Variants in DYNC2H1 observed in about 807,000 individuals in gnomAD.
The protein encoded by DYNC2H1 is dynein cytoplasmic 2 heavy chain 1, also known as cytoplasmic dynein 2 heavy chain 1.
A neutral mutation model predicts 570.0 loss-of-function variants in DYNC2H1; 410 were observed. That is an observed-to-expected ratio of 0.72 (90% confidence interval 0.66 to 0.78). The LOEUF is 0.78. Ranked by LOEUF, DYNC2H1 falls within the 30% of genes least tolerant of loss-of-function variation. The pLI, the probability that DYNC2H1 is intolerant of heterozygous loss-of-function variation, is 0.00. For synonymous variants in DYNC2H1, 1,688 were observed against 1,677.6 expected, an observed-to-expected ratio of 1.01 and a Z score of -0.15; for missense variants, 4,865 against 5,046.4, an observed-to-expected ratio of 0.96 and a Z score of 1.09.
chr11:103,301,553 A>G (rs534440375), intron 75 of DYNC2H1, among the ~76,000 whole-genome samples: 3 of 152,106 alleles, frequency 2.0e-5, no homozygotes, highest in South Asian at 2.1e-4. Flanking sequence ...GTTGTTAGCA[A>G]TTTAAACTTA....
rs1864916526 is a variant in DYNC2H1, at chr11:103,253,383, C to T, written c.10141C>T (p.Pro3381Ser). The T allele has an allele frequency of 1.2e-6, 2 of 1,613,160 alleles. No individual in the cohort carries two copies. Among genetic ancestry groups the T allele is most frequent in the Non-Finnish European group, 1.7e-6 (2 of 1,179,494 alleles). The change falls in exon 66 of 89, where the codon CCG (proline) becomes TCG (serine). Residue 3381 changes from proline (P) to serine (S), a missense_variant. Pro to Ser is a moderately conservative substitution (Grantham distance 74). Around this residue, in one of 5 missense-constraint regions of DYNC2H1, gnomAD observed 2,401 missense variants for 2,454.6 expected, o/e 0.98. Coordinates refer to ENST00000375735, the MANE Select transcript of DYNC2H1 (RefSeq NM_001377.3). Reference protein sequence around the residue: ...STRNPNPFIPPDAASIVTEVN... With the variant: ...STRNPNPFIPSDAASIVTEVN... ...AAGAAACCCAAATCCTTTTATTCCACCGGATGCAGCTTCCATTGTTACTGA... is the reference window on the plus strand; with the variant it reads ...AAGAAACCCAAATCCTTTTATTCCATCGGATGCAGCTTCCATTGTTACTGA...
chr11:103,148,063 A>G lies in DYNC2H1; in HGVS notation c.2818+176A>G, dbSNP rs79934681. 0.026 allele frequency among the ~76,000 whole-genome samples: 4,009 copies of G among 152,248 alleles called. 209 individuals are homozygous for G. The highest frequency in any genetic ancestry group is 0.091 in the African/African-American group (3,797 of 41,538). On this transcript the variant is annotated intron_variant, in intron 19 of 88. Coordinates refer to ENST00000375735, the MANE Select transcript of DYNC2H1 (RefSeq NM_001377.3). ...GAGGTCTAATGAAGACATCTTTATTATTTGCAGTCTGAGCTAGTATTAGAT... is the reference window on the plus strand; with the variant it reads ...GAGGTCTAATGAAGACATCTTTATTGTTTGCAGTCTGAGCTAGTATTAGAT...
At chr11:103,471,100 T>C (rs1051565176) in intron 88 of DYNC2H1, among the ~76,000 whole-genome samples, 4 of 152,210 alleles carry the variant, frequency 2.6e-5, no homozygotes, top group African/African-American at 4.8e-5. Flanking sequence ...TTTTTAATGA[T>C]CGCCATTCTA....
intron 15 of DYNC2H1, 61 bp downstream of exon 15, chr11:103,134,480 C>G (rs527452167): frequency 8.2e-6 from 11 of 1,337,044 alleles, no homozygotes; most frequent in Non-Finnish European, 1.1e-5. Flanking sequence ...AATGTAAGTA[C>G]AATATATGAA....
At chr11:103,331,376 A>G (rs1242914786) in intron 82 of DYNC2H1, among the ~76,000 whole-genome samples, 1 of 152,062 alleles carries the variant, frequency 6.6e-6, no homozygotes, top group Admixed American at 6.5e-5. Context: ...AAACACAGCT[A>G]TTTTGTGGGG....
rs1040631746 is a variant in DYNC2H1, at chr11:103,132,840, T to A, written c.1954-715T>A. 2.1e-4 allele frequency among the ~76,000 whole-genome samples: 32 copies of A among 151,972 alleles called. No individual in the cohort carries two copies. In the East Asian group the frequency reaches 5.5e-3, roughly 26 times the overall value. ...GCACCTTGTTGCCTCCAAGCTGGGG[T>A]GTAAGCTCAGCTTCCTACTGGGCCC... On this transcript the variant is annotated intron_variant, in intron 13 of 88. Coordinates refer to ENST00000375735, the MANE Select transcript of DYNC2H1 (RefSeq NM_001377.3).
intron 87 of DYNC2H1, among the ~76,000 whole-genome samples, chr11:103,459,074 C>G (rs1944900616): frequency 6.6e-6 from 1 of 151,486 alleles, no homozygotes; most frequent in Non-Finnish European, 1.5e-5. Flanking sequence ...CTTTGGGAGG[C>G]CGAGGCGGGC....
Position 103,395,010 on chromosome 11 carries a change from G to T in DYNC2H1, c.12157-4653G>T, listed in dbSNP as rs571659222. Among the ~76,000 whole-genome samples, 67 of 151,950 alleles carry T rather than the reference G, an allele frequency of 4.4e-4. No individual in the cohort carries two copies. Among genetic ancestry groups the T allele is most frequent in the Non-Finnish European group, 7.4e-4 (50 of 67,968 alleles). On this transcript the variant is annotated intron_variant, in intron 83 of 88. Transcript: ENST00000375735. The surrounding 1 kb of genome is among the most constrained non-coding windows in gnomAD (Gnocchi z 4.3). ...CCTACCCTCCTCTTTCCACAGTTTT[G>T]CCAGAAATCCACTTGTGGATTTAAT...
chr11:103,324,982 ATATGTTTATTGGCCG>A lies in DYNC2H1; in HGVS notation c.12039+998_12039+1012del, dbSNP rs1485047474. ...TGATCACAATGTCAAATATTTTTTC[ATATGTTTATTGGCCG>A]TATGTATGTCTTCTTTTGAGAAGCA... On this transcript the variant is annotated intron_variant, in intron 82 of 88. Transcript: ENST00000375735. This position sits in a 1 kb window ranked among gnomAD's most constrained non-coding sequence, Gnocchi z 5.2. 1.5e-4 allele frequency among the ~76,000 whole-genome samples: 23 copies of A among 151,992 alleles called. No individual in the cohort carries two copies. The highest frequency in any genetic ancestry group is 1.0e-4 in the Non-Finnish European group (7 of 67,992).
intron 62 of DYNC2H1, 59 bp from the exon 63 acceptor site, chr11:103,236,371 C>A: frequency 9.8e-7 from 1 of 1,023,974 alleles, no homozygotes; most frequent in Non-Finnish European, 1.5e-6. Flanking sequence ...GCTTTATTTC[C>A]TTCCCTTCAT....
chr11:103,473,876 G>C (rs1467492690), intron 88 of DYNC2H1, among the ~76,000 whole-genome samples: 1 of 152,114 alleles, frequency 6.6e-6, no homozygotes, highest in African/African-American at 2.4e-5. Context: ...TGACAATTCA[G>C]CTTCAGAAAA....
chr11:103,375,336 A>T (rs1320533669), intron 83 of DYNC2H1, among the ~76,000 whole-genome samples: 1 of 152,196 alleles, frequency 6.6e-6, no homozygotes. Flanking sequence ...CAGAAGGGAA[A>T]TATGGGGTCA....
In DYNC2H1 at chr11:103,133,928, C is replaced by T. The variant is rs1406754573; in HGVS notation, c.2106+221C>T. On this transcript the variant is annotated intron_variant, in intron 14 of 88. Coordinates refer to ENST00000375735, the MANE Select transcript of DYNC2H1 (RefSeq NM_001377.3). This position sits in a 1 kb window ranked among gnomAD's most constrained non-coding sequence, Gnocchi z 4.8. Reference sequence around the variant, plus strand: ...AGGAAAAAGACTGTTTTGAATTTTACAATTTTCCACTAACATTCTTTTTTT... The same window carrying T: ...AGGAAAAAGACTGTTTTGAATTTTATAATTTTCCACTAACATTCTTTTTTT... Among the ~76,000 whole-genome samples, 2 of 152,036 alleles carry T rather than the reference C, an allele frequency of 1.3e-5. No individual in the cohort carries two copies. The highest frequency in any genetic ancestry group is 1.9e-4 in the East Asian group (1 of 5,192).
Position 103,165,920 on chromosome 11 carries a change from T to C in DYNC2H1, c.4634T>C (p.Ile1545Thr), listed in dbSNP as rs1861286168. 2.6e-6 allele frequency: 4 copies of C among 1,511,838 alleles called. No individual in the cohort carries two copies. Among genetic ancestry groups the C allele is most frequent in the Non-Finnish European group, 3.5e-6 (4 of 1,130,552 alleles). 93.7% of individuals were successfully genotyped at this position (1,511,838 alleles called of 1,614,324 possible). ...PSQILCLAEQ[I>T]KFTEDVENAI... ...TAGATTTTATGCTTGGCGGAGCAGA[T>C]TAAATTCACTGAAGATGTAGAAAAT... is the stretch of plus-strand genomic sequence containing the variant. The change falls in exon 31 of 89, where the codon ATT becomes ACT. Residue 1545 changes from isoleucine (I) to threonine (T), a missense_variant. By Grantham distance (89) the Ile-to-Thr change is moderately conservative. Around this residue, in one of 5 missense-constraint regions of DYNC2H1, gnomAD observed 1,936 missense variants for 1,962.1 expected, o/e 0.99. Coordinates refer to ENST00000375735, the MANE Select transcript of DYNC2H1 (RefSeq NM_001377.3).
At chr11:103,392,730 A>G (rs1275796446) in intron 83 of DYNC2H1, among the ~76,000 whole-genome samples, 3 of 152,096 alleles carry the variant, frequency 2.0e-5, no homozygotes, top group Admixed American at 1.3e-4. Context: ...GGGGGTATGG[A>G]GGCAAAGATA....
At chr11:103,383,898 A>G (rs1448806153) in intron 83 of DYNC2H1, among the ~76,000 whole-genome samples, 1 of 152,186 alleles carries the variant, frequency 6.6e-6, no homozygotes, top group African/African-American at 2.4e-5. Flanking sequence ...TCTAAATTTC[A>G]TTGTAACTTC....
intron 84 of DYNC2H1, chr11:103,402,782 C>G (rs563897034): frequency 6.6e-6 from 1 of 152,218 alleles, no homozygotes; most frequent in Admixed American, 6.6e-5. Context: ...GTAATGTTGG[C>G]TGTTAATCAC....
At chr11:103,196,259 G>C (rs1862503842) in intron 47 of DYNC2H1, among the ~76,000 whole-genome samples, 4 of 152,174 alleles carry the variant, frequency 2.6e-5, no homozygotes, top group Non-Finnish European at 5.9e-5. Flanking sequence ...AATAGTCCAA[G>C]TGAGAAATGA....
intron 30 of DYNC2H1, 35 bp from the exon 31 acceptor site, chr11:103,165,863 A>C (rs1474668584): frequency 1.8e-5 from 26 of 1,407,850 alleles, no homozygotes; most frequent in Non-Finnish European, 2.3e-5. Context: ...AAGTAAATTC[A>C]CCTTTTAAAA....
Sources: allele counts gnomAD v4.1 joint callset (sites outside exome capture counted in the v4.1 genomes callset), GRCh38; gene constraint gnomAD v4.1.1; regional missense constraint gnomAD v4.1.1; non-coding constraint Gnocchi (gnomAD v3.1); transcripts MANE v1.5; gene names NCBI Gene and HGNC (gene_info 2026-07-23, HGNC 2026-07-21).